Variants in GYG2 observed in about 807,000 individuals in gnomAD.
GYG2 encodes glycogenin 2, also known as glycogenin-2.
GYG2 carries 29 observed loss-of-function variants against 29.4 expected under a neutral mutation model. That is an observed-to-expected ratio of 0.99 (90% confidence interval 0.74 to 1.35). GYG2 has a LOEUF of 1.35. Among genes scored for constraint, GYG2 ranks in the 40% most tolerant of loss-of-function variants. GYG2 has a pLI of 0.00. For missense variants in GYG2, 370 were observed against 385.7 expected, an observed-to-expected ratio of 0.96 and a Z score of 0.34; for synonymous variants, 167 against 172.3, an observed-to-expected ratio of 0.97 and a Z score of 0.24.
intron 9 of GYG2, among the ~76,000 whole-genome samples, 193 bp from the exon 10 acceptor site, chrX:2,877,007 T>C (rs1269440163): frequency 1.8e-5 from 2 of 110,301 alleles, no homozygotes. Context: ...GGTCTCGAAC[T>C]CCTGGGCTCA....
chrX:2,832,799 T>C (rs1369214411), intron 2 of GYG2, among the ~76,000 whole-genome samples: 1 of 112,125 alleles, frequency 8.9e-6, no homozygotes, highest in East Asian at 2.8e-4. Context: ...CCTCCCAAAG[T>C]GTTGGGATTA....
intron 3 of GYG2, among the ~76,000 whole-genome samples, chrX:2,847,091 C>T (rs1440022107): frequency 1.8e-5 from 2 of 111,798 alleles, no homozygotes; most frequent in African/African-American, 6.5e-5. Context: ...TTCCCTGCTG[C>T]ATAAACTGTC....
rs141104562 is a variant in GYG2 at position 2,855,053 on chromosome X, G to C, written c.385G>C (p.Gly129Arg). The stretch of plus-strand genomic sequence containing the variant: ...AGAGTTTTCTGCGGCCCCGGACCCC[G>C]GATGGCCGGATTGCTTCAATAGCGG... The part of the protein sequence containing the change: ...RGEFSAAPDP[G>R]WPDCFNSGVF... Residue 129 changes from glycine to arginine, a missense_variant, in exon 5 of 11, where the codon GGA (glycine) becomes CGA (arginine). Gly to Arg is a moderately radical substitution (Grantham distance 125). Transcript: ENST00000398806. 8.3e-7 allele frequency: 1 copy of C among 1,209,301 alleles called. No homozygotes were observed. Among genetic ancestry groups the C allele is most frequent in the African/African-American group, 1.7e-5 (1 of 57,284 alleles).
chrX:2,836,157 G>A (rs2087367204), intron 2 of GYG2, among the ~76,000 whole-genome samples: 1 of 111,425 alleles, frequency 9.0e-6, no homozygotes, highest in African/African-American at 3.3e-5. Flanking sequence ...ATGACCAGCA[G>A]TCTGGACCCA....
intron 2 of GYG2, among the ~76,000 whole-genome samples, chrX:2,838,944 A>G (rs181065302): frequency 8.9e-6 from 1 of 112,017 alleles, no homozygotes; most frequent in African/African-American, 3.2e-5. Flanking sequence ...CTATTCCATG[A>G]AATGTCTGGT....
intron 8 of GYG2, among the ~76,000 whole-genome samples, chrX:2,869,633 G>A (rs953720665): frequency 8.9e-6 from 1 of 112,232 alleles, no homozygotes. Flanking sequence ...CAAGGTTGAC[G>A]TGTTTTGGTT....
At chrX:2,856,073 TA>T (rs2087977480) in intron 5 of GYG2, among the ~76,000 whole-genome samples, 1 of 112,021 alleles carries the variant, frequency 8.9e-6, no homozygotes, top group Middle Eastern at 4.6e-3. Flanking sequence ...TGGGCGTCAG[TA>T]GAGAGGAAAT....
chrX:2,838,339 C>A (rs1175522037), intron 2 of GYG2, among the ~76,000 whole-genome samples: 1 of 110,559 alleles, frequency 9.0e-6, no homozygotes, highest in African/African-American at 3.3e-5. Context: ...TCACAATGTT[C>A]TCCTTAGCCT....
intron 8 of GYG2, among the ~76,000 whole-genome samples, chrX:2,868,731 A>G (rs2088370796): frequency 9.0e-6 from 1 of 110,841 alleles, no homozygotes; most frequent in Non-Finnish European, 1.9e-5. Context: ...GCGGGGCTTA[A>G]AAGCTAGGTG....
Position 2,843,294 on chromosome X carries a change from G to A in GYG2, c.89G>A (p.Arg30Lys), listed in dbSNP as rs752833652. 1.2e-5 allele frequency: 14 copies of A among 1,190,687 alleles called. No homozygotes were observed. The highest frequency in any genetic ancestry group is 2.2e-5 in the Admixed American group (1 of 45,500). ...CTGGTCCTGGGGCAGTCACTGAGGA[G>A]ACACAGGCTGACGAGGAAGCTGGTG... ...GALVLGQSLR[R>K]HRLTRKLVVL... Residue 30 changes from arginine (R) to lysine (K), a missense_variant, in exon 3 of 11, where the codon AGA becomes AAA. Arg to Lys is a conservative substitution (Grantham distance 26). Transcript: ENST00000398806.
At chrX:2,856,705 G>T in intron 6 of GYG2, 81 bp downstream of exon 6, 1 of 806,218 alleles carries the variant, frequency 1.2e-6, no homozygotes, top group Non-Finnish European at 1.8e-6. Context: ...ACCAGCTGTC[G>T]GCATATTTAA....
chrX:2,867,128 G>T (rs923846847), intron 8 of GYG2, among the ~76,000 whole-genome samples: 4 of 111,848 alleles, frequency 3.6e-5, no homozygotes, highest in Non-Finnish European at 7.5e-5. Flanking sequence ...ATGAGCTCAA[G>T]GCCAAGGGTA....
chrX:2,837,306 C>T (rs2087395252), intron 2 of GYG2, among the ~76,000 whole-genome samples: 1 of 112,203 alleles, frequency 8.9e-6, no homozygotes, highest in African/African-American at 3.2e-5. Flanking sequence ...TGGACTCTTC[C>T]TTACTGGGGT....
chrX:2,855,432 G>A (rs1473179720), intron 5 of GYG2, among the ~76,000 whole-genome samples: 4 of 112,068 alleles, frequency 3.6e-5, no homozygotes, highest in African/African-American at 1.3e-4. Context: ...TGCACTGAAT[G>A]TTGTAGGCAA....
intron 9 of GYG2, 31 bp downstream of exon 9, chrX:2,875,945 C>T (rs1360668212): frequency 1.2e-6 from 1 of 809,936 alleles, no homozygotes; most frequent in Admixed American, 2.3e-5. Flanking sequence ...CTACACATGG[C>T]CAGCTCTCTT....
chrX:2,844,497 TGTGCGTATATATGTGTATACGCACACGC>T (rs2087579871), intron 3 of GYG2, among the ~76,000 whole-genome samples: 1 of 104,986 alleles, frequency 9.5e-6, no homozygotes, highest in African/African-American at 3.6e-5. Context: ...TATGCACGCG[TGTGCGTATATATGTGTATACGCACACGC>T]ATGCGTATAT....
At chrX:2,859,325 G>A (rs1420743299) in intron 6 of GYG2, among the ~76,000 whole-genome samples, 1 of 110,231 alleles carries the variant, frequency 9.1e-6, no homozygotes, top group South Asian at 3.9e-4. Flanking sequence ...ATTGATTACT[G>A]AATTGATAGT....
chrX:2,830,769 A>T (rs1306480686), intron 2 of GYG2, among the ~76,000 whole-genome samples: 1 of 111,651 alleles, frequency 9.0e-6, no homozygotes. Context: ...AAAAAAATTT[A>T]AAAATCAGCT....
chrX:2,832,114 G>A (rs1052566503), intron 2 of GYG2, among the ~76,000 whole-genome samples: 1 of 113,022 alleles, frequency 8.8e-6, no homozygotes, highest in African/African-American at 3.2e-5. Context: ...CGATGTGGAA[G>A]CTAAGCCCTG....
Sources: allele counts gnomAD v4.1 joint callset (sites outside exome capture counted in the v4.1 genomes callset), GRCh38; gene constraint gnomAD v4.1.1; transcripts MANE v1.5; gene names NCBI Gene and HGNC (gene_info 2026-07-23, HGNC 2026-07-21).